RGS7BP: variants seen among roughly 807,000 people sequenced by gnomAD.
The protein encoded by RGS7BP is regulator of G protein signaling 7-binding protein.
Under a neutral mutation model 31.3 loss-of-function variants are expected in RGS7BP, and 9 were observed. The ratio of observed to expected loss-of-function variants is 0.29; its 90% CI spans 0.17 to 0.50. RGS7BP has a LOEUF of 0.50. Ranked by LOEUF, RGS7BP falls within the 20% of genes least tolerant of loss-of-function variation. The pLI, the probability that RGS7BP is intolerant of heterozygous loss-of-function variation, is 0.98. For synonymous variants in RGS7BP, 115 were observed against 120.1 expected (o/e 0.96, Z 0.28); for missense variants, 274 against 322.0 (o/e 0.85, Z 1.14).
chr5:64,569,680 T>C (rs1299201806), intron 2 of RGS7BP, among the ~76,000 whole-genome samples: 1 of 152,188 alleles, frequency 6.6e-6, no homozygotes, highest in African/African-American at 2.4e-5. Context: ...TGAAGTCATA[T>C]GAAGACTAAG....
intron 2 of RGS7BP, among the ~76,000 whole-genome samples, chr5:64,546,994 C>T (rs1741673812): frequency 6.6e-6 from 1 of 152,216 alleles, no homozygotes; most frequent in Non-Finnish European, 1.5e-5. Context: ...CATCACCATA[C>T]TTTTGCCAGT....
At chr5:64,572,574 A>G (rs894954654) in intron 2 of RGS7BP, among the ~76,000 whole-genome samples, 2 of 152,102 alleles carry the variant, frequency 1.3e-5, no homozygotes, top group African/African-American at 4.8e-5. Context: ...TCAATTTCCC[A>G]AGACATTAAA....
intron 2 of RGS7BP, among the ~76,000 whole-genome samples, chr5:64,550,680 T>A (rs1258166940): frequency 6.6e-6 from 1 of 151,778 alleles, no homozygotes; most frequent in Non-Finnish European, 1.5e-5. Flanking sequence ...GCTGCACCCA[T>A]TAACTCATCA....
intron 4 of RGS7BP, among the ~76,000 whole-genome samples, chr5:64,595,193 A>AT (rs1743033171): frequency 6.6e-6 from 1 of 152,188 alleles, no homozygotes; most frequent in Non-Finnish European, 1.5e-5. Flanking sequence ...AAAAGTCTAC[A>AT]TGCTGTCACA....
rs1742849914 is a variant in RGS7BP at position 64,589,441 on chromosome 5, C to T, written c.464-5269C>T. Reference sequence around the variant, plus strand: ...GACTCACATTCTTTCTGGTGTGATGCACTAAGGACACAGTATCACCCCTAT... The same window carrying T: ...GACTCACATTCTTTCTGGTGTGATGTACTAAGGACACAGTATCACCCCTAT... On this transcript the variant is annotated intron_variant, in intron 3 of 5. Transcript: ENST00000334025. Among the ~76,000 whole-genome samples the T allele has an allele frequency of 2.0e-5, 3 of 152,200 alleles. No individual in the cohort carries two copies. The South Asian group carries it at 6.2e-4, about 32-fold the overall frequency.
At chr5:64,531,662 A>G (rs1209585068) in intron 2 of RGS7BP, among the ~76,000 whole-genome samples, 1 of 152,164 alleles carries the variant, frequency 6.6e-6, no homozygotes, top group Admixed American at 6.5e-5. Flanking sequence ...TCTGTGTCCT[A>G]GGCACTGAGG....
chr5:64,581,182 C>A (rs984426623), intron 3 of RGS7BP, among the ~76,000 whole-genome samples: 5 of 152,128 alleles, frequency 3.3e-5, no homozygotes, highest in African/African-American at 9.7e-5. Flanking sequence ...CACTGCACAC[C>A]AGCCTGGGTG....
At chr5:64,569,723 T>C (rs1453080940) in intron 2 of RGS7BP, among the ~76,000 whole-genome samples, 3 of 152,164 alleles carry the variant, frequency 2.0e-5, no homozygotes, top group Non-Finnish European at 4.4e-5. Flanking sequence ...GGCACTGAAT[T>C]AGGGTGTATC....
chr5:64,549,575 T>C (rs761877681), intron 2 of RGS7BP, among the ~76,000 whole-genome samples: 2 of 152,230 alleles, frequency 1.3e-5, no homozygotes, highest in African/African-American at 4.8e-5. Context: ...ATATCACACA[T>C]GGCTGAATAG....
intron 2 of RGS7BP, among the ~76,000 whole-genome samples, chr5:64,552,804 T>C (rs1016368196): frequency 9.2e-4 from 140 of 152,196 alleles, no homozygotes; most frequent in African/African-American, 3.3e-3. Context: ...CTCAAACTCC[T>C]GGGCTCAAGT....
At chr5:64,575,522 G>C (rs1394571832) in intron 2 of RGS7BP, 1 of 229,896 alleles carries the variant, frequency 4.3e-6, no homozygotes, top group Admixed American at 6.5e-5. Context: ...ATTATGTAAA[G>C]CATTTATGAT....
chr5:64,561,567 T>C (rs902079986), intron 2 of RGS7BP, among the ~76,000 whole-genome samples: 14 of 152,124 alleles, frequency 9.2e-5, no homozygotes, highest in African/African-American at 3.1e-4. Flanking sequence ...CATAGACTCA[T>C]TGTGAGAATT....
chr5:64,555,637 G>A (rs1184227973), intron 2 of RGS7BP, among the ~76,000 whole-genome samples: 2 of 152,092 alleles, frequency 1.3e-5, no homozygotes, highest in Admixed American at 1.3e-4. Context: ...AAGGACTTGA[G>A]CTGAAAATGG....
intron 2 of RGS7BP, 77 bp from the exon 3 acceptor site, chr5:64,575,697 C>A: frequency 6.7e-7 from 1 of 1,501,930 alleles, no homozygotes; most frequent in South Asian, 1.4e-5. Context: ...GCATTTTTCC[C>A]TCTCGGAGCT....
rs774592958 is a variant in RGS7BP at position 64,609,218 on chromosome 5, G to A, written c.740G>A (p.Arg247Lys). 4 of 1,610,968 alleles carry A rather than the reference G, an allele frequency of 2.5e-6. No individual in the cohort carries two copies. The highest frequency in any genetic ancestry group is 2.2e-5 in the South Asian group (2 of 90,998). Residue 247 changes from arginine (R) to lysine (K), a missense_variant, in exon 6 of 6, where the codon AGG becomes AAG. Coordinates refer to ENST00000334025, the MANE Select transcript of RGS7BP (RefSeq NM_001029875.3). ...PYPLVRRRKRRFFGLCCLISS is the reference protein window; with the variant it reads ...PYPLVRRRKRKFFGLCCLISS ...CCCCTGGTGAGAAGACGGAAGAGAA[G>A]GTTCTTTGGGCTGTGTTGTCTCATC...
At chr5:64,560,273 G>T (rs1742021575) in intron 2 of RGS7BP, among the ~76,000 whole-genome samples, 1 of 152,072 alleles carries the variant, frequency 6.6e-6, no homozygotes, top group East Asian at 1.9e-4. Flanking sequence ...TGGATCAGCT[G>T]GGAACTTAAC....
intron 2 of RGS7BP, among the ~76,000 whole-genome samples, chr5:64,547,471 C>T (rs970230560): frequency 2.6e-5 from 4 of 152,198 alleles, no homozygotes; most frequent in Non-Finnish European, 5.9e-5. Flanking sequence ...AGCTTCTCAG[C>T]TGGTACTTAT....
intron 2 of RGS7BP, among the ~76,000 whole-genome samples, chr5:64,533,893 G>A (rs1749438670): frequency 6.6e-6 from 1 of 152,200 alleles, no homozygotes; most frequent in African/African-American, 2.4e-5. Flanking sequence ...GATACCCCAG[G>A]AAATAAAGCA....
chr5:64,513,558 T>C (rs1748894679), intron 2 of RGS7BP, among the ~76,000 whole-genome samples: 1 of 152,218 alleles, frequency 6.6e-6, no homozygotes. Context: ...AGCTTAGTAA[T>C]AGTCCTTTCA....
Sources: gnomAD v4.1 joint callset for allele counts (sites outside exome capture counted in the v4.1 genomes callset) on GRCh38, gnomAD v4.1.1 for gene constraint, MANE v1.5 for transcripts, NCBI Gene and HGNC (gene_info 2026-07-23, HGNC 2026-07-21) for gene names.